The following PITRM1 variants were observed in gnomAD, a reference collection of about 807,000 sequenced individuals.
PITRM1 encodes pitrilysin metallopeptidase 1.
Under a neutral mutation model 129.9 loss-of-function variants are expected in PITRM1, and 100 were observed. The ratio of observed to expected loss-of-function variants is 0.77; its 90% CI spans 0.65 to 0.91. The LOEUF is 0.91. Among genes scored for constraint, PITRM1 ranks in the 40% least tolerant of loss-of-function variants. The pLI is 0.00. For synonymous variants in PITRM1, 591 were observed against 508.8 expected (o/e 1.16, Z -2.17); for missense variants, 1,471 against 1,318.3 (o/e 1.12, Z -1.79).
rs1554801883 is a variant in PITRM1, at chr10:3,166,375, T to TGCATGCTAGGGAAGAGAGAGGAATG, written c.271_272insCATTCCTCTCTCTTCCCTAGCATGC (p.Gln91ProfsTer7). ...ACTGTCCATGGGAGTAGTACGGAAC[T>TGCATGCTAGGGAAGAGAGAGGAATG]GCACGCTAGGGAAGGAGAATGACCA... On this transcript the variant is annotated stop_gained and frameshift_variant, in exon 4 of 27. Transcript: ENST00000224949. LOFTEE classifies it high-confidence loss of function. 19 of 1,413,982 alleles carry TGCATGCTAGGGAAGAGAGAGGAATG rather than the reference T, an allele frequency of 1.3e-5. No homozygotes were observed. The highest frequency in any genetic ancestry group is 1.2e-4 in the African/African-American group (8 of 68,440). 87.6% of individuals were successfully genotyped at this position (1,413,982 alleles called of 1,614,324 possible).
Position 3,138,065 on chromosome 10 carries a change from TTCGGGTTC to T in PITRM1, c.3072_3079del (p.Pro1026CysfsTer52). The T allele has an allele frequency of 6.2e-7, 1 of 1,609,988 alleles. No individual in the cohort carries two copies. Among genetic ancestry groups the T allele is most frequent in the Non-Finnish European group, 8.5e-7 (1 of 1,178,432 alleles). On this transcript the variant is annotated frameshift_variant, in exon 27 of 27. Coordinates refer to ENST00000224949, the MANE Select transcript of PITRM1 (RefSeq NM_014889.4). LOFTEE classifies it high-confidence loss of function. ...GATCCAGGATGGGTCCTTGGCAATT[TTCGGGTTC>T]TCGGGTCCGAGGATGGCCAGGCCGT...
At chr10:3,156,183 C>T (rs1028224984) in intron 13 of PITRM1, among the ~76,000 whole-genome samples, 4 of 152,154 alleles carry the variant, frequency 2.6e-5, no homozygotes, top group African/African-American at 9.7e-5. Flanking sequence ...TTCAATACTT[C>T]GTAAGTTATT....
Position 3,165,410 on chromosome 10 carries a change from T to C in PITRM1, c.533+3A>G, listed in dbSNP as rs768883036. On this transcript the variant is annotated splice_donor_region_variant and intron_variant, in intron 5 of 26. Transcript: ENST00000224949. ...ATCAACTAGTTAATCATTCATGACA[T>C]ACCAGAAATCCAGCTCGCGTAAACA... 1.2e-6 allele frequency: 2 copies of C among 1,610,774 alleles called. No individual in the cohort carries two copies. Among genetic ancestry groups the C allele is most frequent in the Non-Finnish European group, 1.7e-6 (2 of 1,177,878 alleles).
chr10:3,145,575 G>A (rs112587565), intron 21 of PITRM1, 21 bp downstream of exon 21: 20,913 of 1,546,880 alleles, frequency 0.014, 187 homozygotes, highest in Middle Eastern at 0.022. Context: ...CTCACCGGGC[G>A]CCAGCACCAC....
chr10:3,147,207 G>C lies in PITRM1; in HGVS notation c.2279C>G (p.Pro760Arg), dbSNP rs1840970781. Residue 760 changes from proline (P) to arginine (R), a missense_variant, in exon 20 of 27, where the codon CCC becomes CGC. Transcript: ENST00000224949. ...KRIAEMTDIKPILRKLPRIKK... is the reference protein window; with the variant it reads ...KRIAEMTDIKRILRKLPRIKK... ...GATACGCGGGAGCTTCCTCAGGATG[G>C]GTTTGATATCTGTCATTTCTGCAAT... The C allele has an allele frequency of 6.8e-6, 11 of 1,612,758 alleles. No homozygotes were observed. The highest frequency in any genetic ancestry group is 9.3e-6 in the Non-Finnish European group (11 of 1,178,838).
Position 3,165,233 on chromosome 10 carries a change from CT to C in PITRM1, c.630+4del, listed in dbSNP as rs1248055805. 3 of 1,546,252 alleles carry C rather than the reference CT, an allele frequency of 1.9e-6. No homozygotes were observed. The highest frequency in any genetic ancestry group is 2.6e-6 in the Non-Finnish European group (3 of 1,147,756). ...AACACAACATAAAAAAGGAAGAAAACTTACAAACGCTCCCTTCATCTCATTA... is the reference window on the plus strand; with the variant it reads ...AACACAACATAAAAAAGGAAGAAAACTACAAACGCTCCCTTCATCTCATTA... On this transcript the variant is annotated splice_donor_region_variant and intron_variant, in intron 6 of 26. Coordinates refer to ENST00000224949, the MANE Select transcript of PITRM1 (RefSeq NM_014889.4).
intron 23 of PITRM1, among the ~76,000 whole-genome samples, chr10:3,142,399 C>G (rs566536874): frequency 1.3e-5 from 2 of 152,254 alleles, no homozygotes; most frequent in Admixed American, 6.5e-5. Flanking sequence ...TGCCTTCCCC[C>G]TCTCTACCAG....
At chr10:3,159,681 T>C (rs1246035703) in intron 9 of PITRM1, among the ~76,000 whole-genome samples, 167 bp downstream of exon 9, 3 of 152,236 alleles carry the variant, frequency 2.0e-5, no homozygotes, top group Non-Finnish European at 4.4e-5. Context: ...TTTTGGATGT[T>C]ATTAAAAACT....
rs765112613 is a variant in PITRM1, at chr10:3,138,014, T to C, written c.*17A>G. 31 of 1,509,772 alleles carry C rather than the reference T, an allele frequency of 2.1e-5. No homozygotes were observed. Among genetic ancestry groups the C allele is most frequent in the Admixed American group, 1.8e-4 (10 of 56,590 alleles). 93.5% of individuals were successfully genotyped at this position (1,509,772 alleles called of 1,614,324 possible). On this transcript the variant is annotated 3_prime_UTR_variant, in exon 27 of 27. Coordinates refer to ENST00000224949, the MANE Select transcript of PITRM1 (RefSeq NM_014889.4). Reference sequence around the variant, plus strand: ...TGTATTGTCTCGGGCTCCTGTGCAGTCGAGCGCCACGGCTGCTCATTGGAT... The same window carrying C: ...TGTATTGTCTCGGGCTCCTGTGCAGCCGAGCGCCACGGCTGCTCATTGGAT...
Position 3,139,069 on chromosome 10 carries a change from A to G in PITRM1, c.2772-20T>C, listed in dbSNP as rs1295668780. On this transcript the variant is annotated intron_variant, in intron 24 of 26. Coordinates refer to ENST00000224949, the MANE Select transcript of PITRM1 (RefSeq NM_014889.4). ...GGGTCCCTAGGAAACCCAGAGAAATAAACGGGCAAGCATTTTACCAGTGGA... is the reference window on the plus strand; with the variant it reads ...GGGTCCCTAGGAAACCCAGAGAAATGAACGGGCAAGCATTTTACCAGTGGA... 6.2e-7 allele frequency: 1 copy of G among 1,611,136 alleles called. No individual in the cohort carries two copies. The highest frequency in any genetic ancestry group is 1.1e-5 in the South Asian group (1 of 90,956).
chr10:3,155,460 T>G (rs2132443932), intron 14 of PITRM1, 131 bp downstream of exon 14: 25 of 1,097,118 alleles, frequency 2.3e-5, no homozygotes, highest in East Asian at 4.8e-5. Context: ...GCATCGAACG[T>G]GAGCTCTGTT....
intron 7 of PITRM1, among the ~76,000 whole-genome samples, chr10:3,161,468 G>A (rs1842435605): frequency 1.3e-5 from 2 of 152,158 alleles, no homozygotes; most frequent in South Asian, 4.1e-4. Flanking sequence ...GTATCTTACA[G>A]AACCTTCAGA....
At chr10:3,143,627 A>G in intron 22 of PITRM1, 126 bp from the exon 23 acceptor site, 1 of 731,246 alleles carries the variant, frequency 1.4e-6, no homozygotes. Context: ...CTGGGACTGG[A>G]GCCATCTCAG....
chr10:3,160,737 T>G (rs1179475899), intron 7 of PITRM1, among the ~76,000 whole-genome samples: 2 of 150,798 alleles, frequency 1.3e-5, no homozygotes, highest in Non-Finnish European at 2.9e-5. Flanking sequence ...CTACCAGGAC[T>G]ACACCACCAC....
At chr10:3,158,826 T>C (rs373721809) in intron 10 of PITRM1, 88 bp downstream of exon 10, 1 of 1,228,736 alleles carries the variant, frequency 8.1e-7, no homozygotes, top group Non-Finnish European at 1.2e-6. Flanking sequence ...CACTGTCAAG[T>C]GTGGGGCCGG....
Position 3,172,744 on chromosome 10 carries a change from A to G in PITRM1, c.29T>C (p.Leu10Pro), listed in dbSNP as rs1235395426. The G allele has an allele frequency of 1.3e-6, 2 of 1,545,326 alleles. No homozygotes were observed. Among genetic ancestry groups the G allele is most frequent in the Non-Finnish European group, 8.7e-7 (1 of 1,145,214 alleles). MWRCGGRQG[L>P]CVLRRLSGGH... ...GCCGCTCAGCCGCCTCAGCACACAC[A>G]GGCCCTGCCGCCCGCCGCAGCGCCA... The change falls in exon 1 of 27, where the codon CTG becomes CCG. Residue 10 changes from leucine (L) to proline (P), a missense_variant. Transcript: ENST00000224949.
At chr10:3,165,700 C>A (rs567359372) in intron 4 of PITRM1, among the ~76,000 whole-genome samples, 173 bp from the exon 5 acceptor site, 70 of 152,304 alleles carry the variant, frequency 4.6e-4, no homozygotes, top group African/African-American at 1.6e-3. Flanking sequence ...CAGCTCATAA[C>A]CCCAAGTGCC....
At chr10:3,139,197 C>G (rs112405849) in intron 24 of PITRM1, 148 bp from the exon 25 acceptor site, 1 of 696,850 alleles carries the variant, frequency 1.4e-6, no homozygotes, top group Non-Finnish European at 2.5e-6. Flanking sequence ...ACTGACAAAT[C>G]GCTCAATTAC....
At chr10:3,160,765 GGT>G (rs1564424185) in intron 7 of PITRM1, among the ~76,000 whole-genome samples, 1 of 147,454 alleles carries the variant, frequency 6.8e-6, no homozygotes. Flanking sequence ...TTTGGTGGGG[GGT>G]TTTTTTTTTT....
Sources: allele counts gnomAD v4.1 joint callset (sites outside exome capture counted in the v4.1 genomes callset), GRCh38; gene constraint gnomAD v4.1.1; transcripts MANE v1.5; gene names NCBI Gene and HGNC (gene_info 2026-07-23, HGNC 2026-07-21).